Variants in DDHD1 observed in about 807,000 individuals in gnomAD.
DDHD1 encodes phospholipase DDHD1.
DDHD1 carries 49 observed loss-of-function variants against 96.4 expected under a neutral mutation model. That is an observed-to-expected ratio of 0.51 (90% CI 0.40 to 0.64). The LOEUF (loss-of-function observed/expected upper bound fraction) is 0.64. Ranked by LOEUF, DDHD1 falls within the 30% of genes least tolerant of loss-of-function variation. The probability of loss-of-function intolerance (pLI) is 0.00; values close to 1 mark genes in which losing one functional copy is unlikely to be tolerated. For synonymous variants in DDHD1, 442 were observed against 446.5 expected, an observed-to-expected ratio of 0.99 and a Z score of 0.13; for missense variants, 1,106 against 1,161.2, an observed-to-expected ratio of 0.95 and a Z score of 0.69.
intron 6 of DDHD1, among the ~76,000 whole-genome samples, chr14:53,064,992 A>C (rs1431886673): frequency 6.6e-6 from 1 of 152,068 alleles, no homozygotes; most frequent in Non-Finnish European, 1.5e-5. Flanking sequence ...TTTGTGACCA[A>C]GTGTATTCAT....
chr14:53,093,618 A>G, intron 2 of DDHD1, 174 bp from the exon 3 acceptor site: 1 of 699,414 alleles, frequency 1.4e-6, no homozygotes, highest in Non-Finnish European at 2.2e-6. Flanking sequence ...CAAGTAATGG[A>G]TAGGGACTTT....
In DDHD1 at chr14:53,152,772, G is replaced by GCCGCCA. The variant is rs2139937864; in HGVS notation, c.326_327insTGGCGG (p.Gly111_Gly112dup). On this transcript the variant is annotated inframe_insertion, in exon 1 of 13. Transcript: ENST00000673822. ...GCAGCGACAAGGAGCTGCCGCCGCCGCCGCTCTCACCCTCGCTGTAGTAGC... is the reference window on the plus strand; with the variant it reads ...GCAGCGACAAGGAGCTGCCGCCGCCGCCGCCACCGCTCTCACCCTCGCTGTAGTAGC... 6.2e-7 allele frequency: 1 copy of GCCGCCA among 1,603,390 alleles called. No individual in the cohort carries two copies. The highest frequency in any genetic ancestry group is 8.5e-7 in the Non-Finnish European group (1 of 1,176,148).
At chr14:53,096,979 T>TA (rs1886934521) in intron 2 of DDHD1, among the ~76,000 whole-genome samples, 1 of 151,962 alleles carries the variant, frequency 6.6e-6, no homozygotes, top group Non-Finnish European at 1.5e-5. Flanking sequence ...TAGATAACCT[T>TA]AAAGTCAACA....
intron 2 of DDHD1, chr14:53,096,107 A>G (rs1289520274): frequency 2.0e-6 from 2 of 977,280 alleles, no homozygotes; most frequent in Non-Finnish European, 2.4e-6. Flanking sequence ...TAAAACTACA[A>G]TTACTGTACC....
chr14:53,063,061 A>G lies in DDHD1; in HGVS notation c.1648T>C (p.Trp550Arg). ...TGTTCATACAGCCGAACTGGATTCCAGCCAGTCATTATGTCATAAGTAATT... is the reference window on the plus strand; with the variant it reads ...TGTTCATACAGCCGAACTGGATTCCGGCCAGTCATTATGTCATAAGTAATT... ...CVITYDIMTG[W>R]NPVRLYEQLL... is the part of the protein sequence containing the mutation. Residue 550 changes from tryptophan (W) to arginine (R), a missense_variant, in exon 7 of 13, where the codon TGG becomes CGG. This residue lies in a region of DDHD1 where 650 missense variants were observed against 758.8 expected (regional missense o/e 0.86). Transcript: ENST00000673822. 1 of 1,614,180 alleles carries G rather than the reference A, an allele frequency of 6.2e-7. No homozygotes were observed. The highest frequency in any genetic ancestry group is 8.5e-7 in the Non-Finnish European group (1 of 1,180,002).
intron 1 of DDHD1, among the ~76,000 whole-genome samples, chr14:53,120,881 A>T (rs1007897627): frequency 6.6e-6 from 1 of 152,240 alleles, no homozygotes; most frequent in African/African-American, 2.4e-5. Context: ...TTCAGGACAT[A>T]GGCATGGACA....
chr14:53,152,925 C>G lies in DDHD1; in HGVS notation c.174G>C (p.Leu58=), dbSNP rs1226635692. 1 of 1,606,408 alleles carries G rather than the reference C, an allele frequency of 6.2e-7. No individual in the cohort carries two copies. The highest frequency in any genetic ancestry group is 2.3e-5 in the East Asian group (1 of 44,410). Residue 58 remains leucine, a synonymous_variant, in exon 1 of 13, where the codon CTG becomes CTC. Coordinates refer to ENST00000673822, the MANE Select transcript of DDHD1 (RefSeq NM_001160148.2). The part of the protein sequence containing the change: ...DPDDGDVPLA[L]LRGEPGLHLA... Reference sequence around the variant, plus strand: ...AATGCAGCCCGGGTTCCCCGCGCAGCAGGGCCAGGGGCACGTCGCCGTCGT... The same window carrying G: ...AATGCAGCCCGGGTTCCCCGCGCAGGAGGGCCAGGGGCACGTCGCCGTCGT...
intron 6 of DDHD1, among the ~76,000 whole-genome samples, chr14:53,070,886 T>C (rs1343306438): frequency 6.6e-6 from 1 of 151,958 alleles, no homozygotes; most frequent in Admixed American, 6.6e-5. Flanking sequence ...ATTTTTAGAT[T>C]AAAAACACTG....
chr14:53,151,835 G>C (rs1483406965), intron 1 of DDHD1, among the ~76,000 whole-genome samples: 1 of 152,068 alleles, frequency 6.6e-6, no homozygotes, highest in African/African-American at 2.4e-5. Context: ...GTTGATTCTC[G>C]AGCAGATCCT....
At chr14:53,141,756 C>A (rs1280118510) in intron 1 of DDHD1, among the ~76,000 whole-genome samples, 1 of 152,016 alleles carries the variant, frequency 6.6e-6, no homozygotes, top group East Asian at 1.9e-4. Context: ...ACTGTGACTC[C>A]CAGAACTCTT....
rs746019776 is a variant in DDHD1, at chr14:53,055,804, T to C, written c.2101A>G (p.Ser701Gly). The stretch of plus-strand genomic sequence containing the variant: ...GGTTCTTTAGCTGGGTTGAGAAAGC[T>C]TGGCTTCATATGTTCATAAGGTAAA... ...NPLPYEHMKP[S>G]FLNPAKEPTS... The change falls in exon 10 of 13, where the codon AGC becomes GGC. Residue 701 changes from serine (S) to glycine (G), a missense_variant. This residue lies in a region of DDHD1 where 650 missense variants were observed against 758.8 expected (regional missense o/e 0.86). Coordinates refer to ENST00000673822, the MANE Select transcript of DDHD1 (RefSeq NM_001160148.2). 2 of 1,614,010 alleles carry C rather than the reference T, an allele frequency of 1.2e-6. No homozygotes were observed. The highest frequency in any genetic ancestry group is 1.3e-5 in the African/African-American group (1 of 74,926).
intron 3 of DDHD1, 147 bp from the exon 4 acceptor site, chr14:53,092,079 A>C (rs1373361713): frequency 1.5e-6 from 1 of 673,372 alleles, no homozygotes. Flanking sequence ...GTAAGAAGGT[A>C]TATATTGATC....
At chr14:53,141,201 A>T (rs919909838) in intron 1 of DDHD1, among the ~76,000 whole-genome samples, 2 of 152,240 alleles carry the variant, frequency 1.3e-5, no homozygotes, top group African/African-American at 2.4e-5. Flanking sequence ...ACAGAGTGGC[A>T]ATACATAGGT....
In DDHD1 at chr14:53,086,340, C is replaced by T. The variant is rs563301060; in HGVS notation, c.1289+5445G>A. On this transcript the variant is annotated intron_variant, in intron 4 of 12. Coordinates refer to ENST00000673822, the MANE Select transcript of DDHD1 (RefSeq NM_001160148.2). ...CTCCTCGAGAAGAGCAACTCCAAGA[C>T]ACATAATTGTCAGATTCACCAAGGT... 4.6e-5 allele frequency among the ~76,000 whole-genome samples: 7 copies of T among 152,174 alleles called. No homozygotes were observed. In the East Asian group the frequency reaches 5.8e-4, roughly 13 times the overall value.
chr14:53,080,178 G>T (rs1376793063), intron 4 of DDHD1, among the ~76,000 whole-genome samples: 2 of 152,140 alleles, frequency 1.3e-5, no homozygotes, highest in Non-Finnish European at 2.9e-5. Flanking sequence ...TGGCCAACAT[G>T]GTGAAATCCC....
At chr14:53,060,265 T>C (rs1286049158) in intron 8 of DDHD1, among the ~76,000 whole-genome samples, 1 of 152,210 alleles carries the variant, frequency 6.6e-6, no homozygotes, top group Non-Finnish European at 1.5e-5. Context: ...AGCTATAGGG[T>C]ATGTCCTTTC....
At chr14:53,070,302 C>A (rs376533507) in intron 6 of DDHD1, among the ~76,000 whole-genome samples, 18 of 152,174 alleles carry the variant, frequency 1.2e-4, no homozygotes, top group African/African-American at 4.3e-4. Flanking sequence ...CTACAAAAAT[C>A]TGGTTCCCTT....
Position 53,153,227 on chromosome 14 carries a change from G to C in DDHD1, c.-129C>G, listed in dbSNP as rs1891604039. 1.2e-6 allele frequency: 1 copy of C among 829,484 alleles called. No homozygotes were observed. Among genetic ancestry groups the C allele is most frequent in the Non-Finnish European group, 1.7e-6 (1 of 600,002 alleles). 51.4% of individuals were successfully genotyped at this position (829,484 alleles called of 1,614,324 possible). A position where few individuals can be genotyped will look rare whatever the true frequency, so the allele number is the denominator to read the frequency against. On this transcript the variant is annotated 5_prime_UTR_variant, in exon 1 of 13. Transcript: ENST00000673822. ...TCTTTCAAATCCCGACCCGAGCTGC[G>C]GCGGCAGCGGCGACCGCTCCGCCCC...
intron 4 of DDHD1, among the ~76,000 whole-genome samples, chr14:53,079,087 T>C (rs1885217448): frequency 6.6e-6 from 1 of 152,170 alleles, no homozygotes; most frequent in African/African-American, 2.4e-5. Flanking sequence ...CATTTATATA[T>C]GGTGCTGGAT....
Sources: gnomAD v4.1 joint callset for allele counts (sites outside exome capture counted in the v4.1 genomes callset) on GRCh38, gnomAD v4.1.1 for gene constraint, gnomAD v4.1.1 regional missense constraint, MANE v1.5 for transcripts, NCBI Gene and HGNC (gene_info 2026-07-23, HGNC 2026-07-21) for gene names.